Variants in ANKRD28 observed in about 807,000 individuals in gnomAD.
ANKRD28 encodes the protein serine/threonine-protein phosphatase 6 regulatory ankyrin repeat subunit A.
Under a neutral mutation model 126.5 loss-of-function variants are expected in ANKRD28, and 44 were observed. The observed-to-expected ratio is 0.35, with a 90% CI of 0.27 to 0.45. The LOEUF is 0.45. Among genes scored for constraint, ANKRD28 ranks in the 20% least tolerant of loss-of-function variants. ANKRD28 has a pLI of 1.00. For missense variants in ANKRD28, 1,110 were observed against 1,316.6 expected (o/e 0.84, Z 2.43); for synonymous variants, 442 against 468.5 (o/e 0.94, Z 0.73).
intron 2 of ANKRD28, among the ~76,000 whole-genome samples, chr3:15,792,439 T>C (rs1432166037): frequency 6.6e-6 from 1 of 152,126 alleles, no homozygotes; most frequent in African/African-American, 2.4e-5. Context: ...TTGGAGATCA[T>C]TATGTTAACC....
chr3:15,710,036 G>GTTTTTT (rs34686530), intron 12 of ANKRD28, among the ~76,000 whole-genome samples: 1 of 146,336 alleles, frequency 6.8e-6, no homozygotes, highest in Non-Finnish European at 1.5e-5. Flanking sequence ...TTGCTTATAG[G>GTTTTTT]TTTTTTTTTT....
chr3:15,778,933 A>G (rs1559517268), intron 2 of ANKRD28, among the ~76,000 whole-genome samples: 1 of 152,186 alleles, frequency 6.6e-6, no homozygotes. Context: ...TTGTATAAGT[A>G]TGTAGCATTT....
intron 3 of ANKRD28, among the ~76,000 whole-genome samples, chr3:15,763,790 TG>T (rs1310818553): frequency 6.6e-6 from 1 of 152,150 alleles, no homozygotes. Context: ...GGGGAGATAA[TG>T]TACAGCTCTA....
chr3:15,692,144 TAAAAAAAAAA>T (rs908039642), intron 17 of ANKRD28, among the ~76,000 whole-genome samples: 19 of 98,900 alleles, frequency 1.9e-4, no homozygotes, highest in African/African-American at 8.2e-4. Flanking sequence ...TATCTCTAAA[TAAAAAAAAAA>T]AAAAAAAAAA....
chr3:15,700,861 G>C (rs1175865980), intron 14 of ANKRD28, among the ~76,000 whole-genome samples: 1 of 152,166 alleles, frequency 6.6e-6, no homozygotes, highest in Non-Finnish European at 1.5e-5. Context: ...ACTGGTACCA[G>C]TGATCTTGGG....
intron 2 of ANKRD28, among the ~76,000 whole-genome samples, chr3:15,787,802 G>C (rs1313807587): frequency 2.0e-5 from 3 of 152,186 alleles, no homozygotes; most frequent in African/African-American, 7.2e-5. Flanking sequence ...GACTGTATTT[G>C]CTGAGCACTT....
At chr3:15,757,771 T>C (rs1042915443) in intron 3 of ANKRD28, among the ~76,000 whole-genome samples, 3 of 152,186 alleles carry the variant, frequency 2.0e-5, no homozygotes, top group African/African-American at 7.2e-5. Context: ...TCTGTGATAT[T>C]CTGTTATGGC....
At chr3:15,794,484 T>G (rs1575708549) in intron 2 of ANKRD28, among the ~76,000 whole-genome samples, 2 of 152,314 alleles carry the variant, frequency 1.3e-5, no homozygotes, top group East Asian at 1.9e-4. Context: ...GGGGTACATT[T>G]GTTTCTGGTA....
intron 4 of ANKRD28, among the ~76,000 whole-genome samples, chr3:15,737,914 GAC>G (rs1488612251): frequency 1.7e-5 from 2 of 115,808 alleles, no homozygotes; most frequent in South Asian, 2.7e-4. Context: ...AAAAAAAAAA[GAC>G]ACAACATAGA....
rs1478739390 is a variant in ANKRD28 at position 15,694,732 on chromosome 3, T to A, written c.1761+7A>T. 1 of 1,612,202 alleles carries A rather than the reference T, an allele frequency of 6.2e-7. No homozygotes were observed. Among genetic ancestry groups the A allele is most frequent in the Non-Finnish European group, 8.5e-7 (1 of 1,178,380 alleles). ...GCCATCAAGTCGGCTATGAAGGCAG[T>A]ACTCACAGCCAAGTGTAAAGGGCTT... On this transcript the variant is annotated splice_region_variant and intron_variant, in intron 17 of 27. Transcript: ENST00000683139.
chr3:15,706,491 G>T (rs2071430511), intron 14 of ANKRD28, among the ~76,000 whole-genome samples: 6 of 152,100 alleles, frequency 3.9e-5, no homozygotes. Context: ...GTCTATCATT[G>T]ATGGACATTT....
intron 3 of ANKRD28, chr3:15,756,620 G>T: frequency 2.0e-6 from 1 of 512,452 alleles, no homozygotes; most frequent in Non-Finnish European, 2.5e-6. Context: ...TAACTAGTTG[G>T]CTGTGTGACC....
rs758698417 is a variant in ANKRD28 at position 15,846,459 on chromosome 3, G to A, written c.27+12918C>T. 1.1e-4 allele frequency among the ~76,000 whole-genome samples: 17 copies of A among 152,198 alleles called. No individual in the cohort carries two copies. Among genetic ancestry groups the A allele is most frequent in the Non-Finnish European group, 1.6e-4 (11 of 68,028 alleles). The stretch of plus-strand genomic sequence containing the variant: ...TGTGGCTCTGCAGGGTAAAGCCCCC[G>A]AGGCTGCTTTCACAAACACAATATA... On this transcript the variant is annotated intron_variant, in intron 1 of 27. Transcript: ENST00000399451. The surrounding 1 kb of genome is among the most constrained non-coding windows in gnomAD (Gnocchi z 5.4).
rs527697554 is a variant in ANKRD28 at position 15,843,469 on chromosome 3, A to G, written c.27+15908T>C. Among the ~76,000 whole-genome samples, 2 of 152,226 alleles carry G rather than the reference A, an allele frequency of 1.3e-5. No homozygotes were observed. Among genetic ancestry groups the G allele is most frequent in the African/African-American group, 4.8e-5 (2 of 41,536 alleles). On this transcript the variant is annotated intron_variant, in intron 1 of 27. Coordinates refer to the ANKRD28 transcript ENST00000399451. The surrounding 1 kb of genome is among the most constrained non-coding windows in gnomAD (Gnocchi z 5.2). ...TCCATCCGGACACCAATATACAACA[A>G]TATGTAGTGGCAGGAGGAGAAGTAC...
At chr3:15,794,103 C>T (rs180846891) in intron 2 of ANKRD28, among the ~76,000 whole-genome samples, 1 of 151,002 alleles carries the variant, frequency 6.6e-6, no homozygotes, top group Non-Finnish European at 1.5e-5. Context: ...ATACATAAAT[C>T]CTGAATTAGG....
intron 1 of ANKRD28, among the ~76,000 whole-genome samples, chr3:15,832,057 G>A (rs530452049): frequency 6.6e-6 from 1 of 152,252 alleles, no homozygotes; most frequent in South Asian, 2.1e-4. Flanking sequence ...ATATGCCAAA[G>A]CATTGTTACA....
chr3:15,698,230 G>A (rs2069972752), intron 14 of ANKRD28, among the ~76,000 whole-genome samples: 1 of 152,058 alleles, frequency 6.6e-6, no homozygotes, highest in East Asian at 1.9e-4. Flanking sequence ...GGTATTGATG[G>A]AATGTATCTC....
intron 13 of ANKRD28, 78 bp downstream of exon 13, chr3:15,709,589 AT>A (rs1368518849): frequency 2.0e-6 from 2 of 988,320 alleles, no homozygotes; most frequent in African/African-American, 1.7e-5. Context: ...TGTTCAGTTA[AT>A]TTTCAGAAGC....
chr3:15,680,031 G>A (rs375701571), intron 21 of ANKRD28, among the ~76,000 whole-genome samples: 37 of 152,158 alleles, frequency 2.4e-4, no homozygotes, highest in African/African-American at 8.7e-4. Flanking sequence ...GGACTTGAGC[G>A]CCTGTTGGTT....
Sources: gnomAD v4.1 joint callset for allele counts (sites outside exome capture counted in the v4.1 genomes callset) on GRCh38, gnomAD v4.1.1 for gene constraint, Gnocchi (gnomAD v3.1) non-coding constraint, MANE v1.5 for transcripts, NCBI Gene and HGNC (gene_info 2026-07-23, HGNC 2026-07-21) for gene names.